Variants in CIMIP2A observed in about 807,000 individuals in gnomAD.
The protein encoded by CIMIP2A is family with sequence similarity 166 member A.
the CIMIP2A span, among the ~76,000 whole-genome samples, chr9:137,249,560 G>A: frequency 6.6e-6 from 1 of 152,196 alleles, no homozygotes; most frequent in Admixed American, 6.5e-5. Context: ...CTGCCCCAAG[G>A]CAGGACGCTA....
chr9:137,249,388 G>T, the CIMIP2A span, among the ~76,000 whole-genome samples: 4 of 152,192 alleles, frequency 2.6e-5, no homozygotes, highest in Non-Finnish European at 5.9e-5. Context: ...CCACTCCTAA[G>T]AAGCTGTCTG....
At chr9:137,249,593 G>T in the CIMIP2A span, among the ~76,000 whole-genome samples, 1 of 152,144 alleles carries the variant, frequency 6.6e-6, no homozygotes, top group African/African-American at 2.4e-5. Flanking sequence ...TTCTGACTGT[G>T]GGTCTTAAGA....
chr9:137,253,313 C>T, the CIMIP2A span: 55,460 of 1,556,278 alleles, frequency 0.036, 1,214 homozygotes, highest in Non-Finnish European at 0.042. Context: ...GGGGCTTTCC[C>T]AGGCCTCCCC....
chr9:137,250,023 C>T, the CIMIP2A span, among the ~76,000 whole-genome samples: 1 of 152,110 alleles, frequency 6.6e-6, no homozygotes, highest in East Asian at 1.9e-4. Context: ...AGCTCTCACC[C>T]TGTGGGATCT....
the CIMIP2A span, chr9:137,243,681 C>T: frequency 6.2e-7 from 1 of 1,614,022 alleles, no homozygotes. Flanking sequence ...GCTGTACAGA[C>T]ACCACCATTA....
the CIMIP2A span, chr9:137,251,057 G>T: frequency 1.8e-6 from 1 of 550,134 alleles, no homozygotes; most frequent in East Asian, 3.2e-5. Flanking sequence ...AGGTTGCGGG[G>T]AGGGAGAGGG....
chr9:137,250,809 C>T, the CIMIP2A span: 1 of 179,072 alleles, frequency 5.6e-6, no homozygotes, highest in Non-Finnish European at 1.2e-5. Flanking sequence ...AAGTGGAAAT[C>T]CAGATGGGGT....
the CIMIP2A span, among the ~76,000 whole-genome samples, chr9:137,246,010 C>T: frequency 5.3e-4 from 80 of 152,354 alleles, no homozygotes; most frequent in African/African-American, 1.9e-3. Context: ...GTAAATGGGG[C>T]TGCAGTGGCA....
chr9:137,243,940 T>G, the CIMIP2A span: 1 of 987,314 alleles, frequency 1.0e-6, no homozygotes, highest in East Asian at 2.5e-5. Context: ...CCTGTCCTGT[T>G]CCAGGTACCC....
chr9:137,245,511 G>A, the CIMIP2A span: 435 of 1,613,750 alleles, frequency 2.7e-4, 1 homozygote, highest in Non-Finnish European at 3.6e-4. Context: ...CCACCTCCAA[G>A]GGTGGGAGCT....
the CIMIP2A span, among the ~76,000 whole-genome samples, chr9:137,253,862 G>T: frequency 6.6e-6 from 1 of 152,216 alleles, no homozygotes; most frequent in African/African-American, 2.4e-5. Flanking sequence ...CCAGGGCCCA[G>T]CCCCACTTCC....
chr9:137,243,898 GCTTGGT>G, the CIMIP2A span: 1 of 1,226,174 alleles, frequency 8.2e-7, no homozygotes, highest in Non-Finnish European at 1.2e-6. Flanking sequence ...CTGGGTATCT[GCTTGGT>G]GGGGAACTTG....
At chr9:137,243,982 A>G in the CIMIP2A span, among the ~76,000 whole-genome samples, 2 of 151,876 alleles carry the variant, frequency 1.3e-5, no homozygotes, top group African/African-American at 4.8e-5. Context: ...TCTGGGACTT[A>G]GGTGGGTCCA....
the CIMIP2A span, chr9:137,252,447 C>T: frequency 5.0e-6 from 8 of 1,610,610 alleles, no homozygotes; most frequent in Non-Finnish European, 5.9e-6. Context: ...AGGGCGGTGG[C>T]CGCAGGGCAT....
At chr9:137,244,364 C>G in the CIMIP2A span, 1 of 1,602,512 alleles carries the variant, frequency 6.2e-7, no homozygotes, top group Non-Finnish European at 8.5e-7. Flanking sequence ...CAGTGGGGGC[C>G]TGGCCGGAGG....
the CIMIP2A span, chr9:137,252,914 C>T: frequency 4.4e-6 from 7 of 1,599,334 alleles, no homozygotes; most frequent in East Asian, 1.6e-4. Flanking sequence ...CCCCCGCTCG[C>T]CGGCCTTCTC....
chr9:137,251,896 G>A, the CIMIP2A span: 15 of 1,605,880 alleles, frequency 9.3e-6, no homozygotes, highest in African/African-American at 1.6e-4. Context: ...AGGGAACTAT[G>A]TGAGTGAGGG....
At chr9:137,243,857 G>A in the CIMIP2A span, 1 of 1,535,024 alleles carries the variant, frequency 6.5e-7, no homozygotes. Flanking sequence ...GGACACCCAG[G>A]CTTCAGAGAA....
At chr9:137,250,980 G>A in the CIMIP2A span, 17 of 391,374 alleles carry the variant, frequency 4.3e-5, no homozygotes, top group Non-Finnish European at 7.3e-5. Context: ...AGTCCTCCCA[G>A]ACCTGCTAGA....
Sources: allele counts gnomAD v4.1 joint callset (sites outside exome capture counted in the v4.1 genomes callset), GRCh38; gene constraint gnomAD v4.1.1; transcripts MANE v1.5; gene names NCBI Gene and HGNC (gene_info 2026-07-23, HGNC 2026-07-21).